Variants in RUVBL1 observed in about 807,000 individuals in gnomAD.
The protein encoded by RUVBL1 is ruvB-like 1.
RUVBL1 carries 4 observed loss-of-function variants against 52.4 expected under a neutral mutation model. The observed-to-expected ratio is 0.08, with a 90% CI of 0.04 to 0.17. RUVBL1 has a LOEUF of 0.17. Ranked by LOEUF, RUVBL1 falls within the 10% of genes least tolerant of loss-of-function variation. The pLI is 1.00. For missense variants in RUVBL1, 298 were observed against 572.8 expected (o/e 0.52, Z 4.90); for synonymous variants, 217 against 214.4 (o/e 1.01, Z -0.10).
chr3:128,125,030 T>TTA, upstream of RUVBL1, among the ~76,000 whole-genome samples: 1 of 145,264 alleles, frequency 6.9e-6, no homozygotes, highest in African/African-American at 2.6e-5. Flanking sequence ...TTTTTTTTTT[T>TTA]TTGAGACGGA....
intron 8 of RUVBL1, among the ~76,000 whole-genome samples, chr3:128,092,829 A>G (rs577173629): frequency 1.3e-5 from 2 of 152,334 alleles, no homozygotes; most frequent in South Asian, 4.1e-4. Context: ...TGGACCCAGC[A>G]ATTCCACTCC....
chr3:128,137,403 A>G (rs1173095502), intron 1 of RUVBL1, among the ~76,000 whole-genome samples: 2 of 152,232 alleles, frequency 1.3e-5, no homozygotes, highest in African/African-American at 2.4e-5. Context: ...GTGAGCAACT[A>G]CTATGAACAA....
intron 1 of RUVBL1, 40 bp downstream of exon 1, chr3:128,123,544 C>A: frequency 6.5e-7 from 1 of 1,529,476 alleles, no homozygotes; most frequent in Non-Finnish European, 8.9e-7. Flanking sequence ...CCGCAGCAGC[C>A]CTGCTTGCAG....
chr3:128,134,446 G>C (rs1265183454), intron 1 of RUVBL1, among the ~76,000 whole-genome samples: 1 of 114,838 alleles, frequency 8.7e-6, no homozygotes. Flanking sequence ...TGGGCAACAA[G>C]AGTGAAACTG....
intron 8 of RUVBL1, among the ~76,000 whole-genome samples, chr3:128,095,607 C>T (rs1451961465): frequency 2.0e-5 from 3 of 152,216 alleles, no homozygotes; most frequent in African/African-American, 2.4e-5. Context: ...ACTTGAATCA[C>T]GCATTCGATT....
At chr3:128,121,555 C>T (rs894531569) in intron 1 of RUVBL1, among the ~76,000 whole-genome samples, 42 of 150,930 alleles carry the variant, frequency 2.8e-4, no homozygotes, top group African/African-American at 9.9e-4. Flanking sequence ...ACTAAATATA[C>T]AAAAATTAGC....
chr3:128,101,854 G>C (rs1007009542), intron 4 of RUVBL1, among the ~76,000 whole-genome samples: 1 of 152,188 alleles, frequency 6.6e-6, no homozygotes, highest in Non-Finnish European at 1.5e-5. Flanking sequence ...AGCACACCAG[G>C]GAGAAAATAG....
chr3:128,111,363 A>T (rs1943390215), intron 3 of RUVBL1, among the ~76,000 whole-genome samples: 1 of 152,178 alleles, frequency 6.6e-6, no homozygotes, highest in African/African-American at 2.4e-5. Context: ...CTGTATCCCC[A>T]GGAGACGCTG....
At chr3:128,129,756 A>C (rs1417710830) in intron 1 of RUVBL1, among the ~76,000 whole-genome samples, 1 of 152,222 alleles carries the variant, frequency 6.6e-6, no homozygotes, top group African/African-American at 2.4e-5. Context: ...TGCTAGGTAA[A>C]ATAAGCCAGT....
intron 1 of RUVBL1, among the ~76,000 whole-genome samples, chr3:128,150,626 ATG>A (rs202081885): frequency 0.11 from 14,294 of 126,654 alleles, 998 homozygotes; most frequent in South Asian, 0.17. Context: ...TATATATTCT[ATG>A]TATATATTCT....
chr3:128,072,305 T>A (rs1401619675), intron 9 of RUVBL1, among the ~76,000 whole-genome samples: 2 of 152,186 alleles, frequency 1.3e-5, no homozygotes, highest in Non-Finnish European at 2.9e-5. Context: ...GGCCTGGTGC[T>A]TCCTCAGGAA....
chr3:128,120,549 T>TA (rs1943620078), intron 1 of RUVBL1, among the ~76,000 whole-genome samples: 1 of 152,190 alleles, frequency 6.6e-6, no homozygotes, highest in South Asian at 2.1e-4. Flanking sequence ...GCTGAGCATC[T>TA]ATATCTCAGG....
At chr3:128,112,287 A>G (rs1356190141) in intron 3 of RUVBL1, among the ~76,000 whole-genome samples, 3 of 152,262 alleles carry the variant, frequency 2.0e-5, no homozygotes, top group Non-Finnish European at 4.4e-5. Flanking sequence ...CTGGGTCCCT[A>G]GCAAGTTATT....
At chr3:128,111,017 GA>G (rs1446508892) in intron 3 of RUVBL1, among the ~76,000 whole-genome samples, 1 of 151,818 alleles carries the variant, frequency 6.6e-6, no homozygotes, top group Admixed American at 6.6e-5. Flanking sequence ...ATGAGGTCAG[GA>G]AATCAAGACC....
intron 1 of RUVBL1, among the ~76,000 whole-genome samples, chr3:128,146,072 T>C (rs1944099111): frequency 6.6e-6 from 1 of 152,080 alleles, no homozygotes; most frequent in Non-Finnish European, 1.5e-5. Context: ...GGGAGGGGGC[T>C]GTACTTTTAG....
At position 128,082,539 on chromosome 3, in the gene RUVBL1, G is replaced by C. The variant is rs755480428; in HGVS notation, c.1155C>G (p.Asn385Lys). ...GGTGGTTCAGTGCCTCCTCACTGAT[G>C]TTGATTCCTTCCGTCTGGGCACGGA... is the stretch of plus-strand genomic sequence containing the variant. ...IKIRAQTEGINISEEALNHLG... is the reference protein window; with the variant it reads ...IKIRAQTEGIKISEEALNHLG... The change falls in exon 10 of 11, where the codon AAC becomes AAG. Residue 385 changes from asparagine (N) to lysine (K), a missense_variant. Transcript: ENST00000322623. This position sits in a 1 kb window ranked among gnomAD's most constrained non-coding sequence, Gnocchi z 4.7. 3.1e-6 allele frequency: 5 copies of C among 1,613,920 alleles called. 1 individual carries two copies. The South Asian group carries it at 5.5e-5, about 18-fold the overall frequency.
At position 128,119,558 on chromosome 3, in the gene RUVBL1, C is replaced by T. The variant is rs989405738; in HGVS notation, c.142-144G>A. The T allele has an allele frequency of 8.5e-6, 5 of 590,688 alleles. No individual in the cohort carries two copies. The Admixed American group carries it at 1.4e-4, about 16-fold the overall frequency. 36.6% of individuals were successfully genotyped at this position (590,688 alleles called of 1,614,324 possible). ...GCACTGCAGTCACTGTTCTAGGTGC[C>T]GAGGGTAACGAAGGCAAGGCAGAAA... is the stretch of plus-strand genomic sequence containing the variant. On this transcript the variant is annotated intron_variant, in intron 1 of 10. Transcript: ENST00000322623.
chr3:128,067,761 G>A lies in RUVBL1; in HGVS notation c.940-2541C>T. 1.5e-6 allele frequency: 1 copy of A among 687,062 alleles called. No homozygotes were observed. 42.6% of individuals were successfully genotyped at this position (687,062 alleles called of 1,614,324 possible). A position where few individuals can be genotyped will look rare whatever the true frequency, so the allele number is the denominator to read the frequency against. The stretch of plus-strand genomic sequence containing the variant: ...GGGCAGTTCAGAAGCTTTAAGGGCT[G>A]ACAGATGGAGTCCAGCAGTAGATCA... On this transcript the variant is annotated intron_variant, in intron 9 of 9. Coordinates refer to the RUVBL1 transcript ENST00000464873. The surrounding 1 kb of genome is among the most constrained non-coding windows in gnomAD (Gnocchi z 4.1).
At chr3:128,119,233 G>C in intron 2 of RUVBL1, 95 bp downstream of exon 2, 2 of 823,994 alleles carry the variant, frequency 2.4e-6, no homozygotes, top group South Asian at 3.4e-5. Context: ...AACCCATTTA[G>C]CTAAACAAAG....
Sources: gnomAD v4.1 joint callset for allele counts (sites outside exome capture counted in the v4.1 genomes callset) on GRCh38, gnomAD v4.1.1 for gene constraint, Gnocchi (gnomAD v3.1) non-coding constraint, MANE v1.5 for transcripts, NCBI Gene and HGNC (gene_info 2026-07-23, HGNC 2026-07-21) for gene names.